Variants in PDE10A observed in about 807,000 individuals in gnomAD.
The protein encoded by PDE10A is cAMP and cAMP-inhibited cGMP 3',5'-cyclic phosphodiesterase 10A.
A neutral mutation model predicts 97.7 loss-of-function variants in PDE10A; 39 were observed. The observed-to-expected ratio is 0.40, with a 90% CI of 0.31 to 0.52. The LOEUF is 0.52. Among genes scored for constraint, PDE10A ranks in the 20% least tolerant of loss-of-function variants. The pLI is 0.56. For synonymous variants in PDE10A, 371 were observed against 376.8 expected (o/e 0.98, Z 0.18); for missense variants, 731 against 1,047.8 (o/e 0.70, Z 4.17).
At chr6:165,921,358 T>G (rs1271958926) in intron 1 of PDE10A, among the ~76,000 whole-genome samples, 1 of 152,210 alleles carries the variant, frequency 6.6e-6, no homozygotes, top group Non-Finnish European at 1.5e-5. Context: ...ATTTATCAAA[T>G]ACATAGGCAG....
rs1778194096 is a variant in PDE10A, at chr6:165,459,573, TG to T, written c.1024-9212del. The stretch of plus-strand genomic sequence containing the variant: ...GACAGACAGACAGATAGATAGATAA[TG>T]ATAGATATATATATATATATAATAT... On this transcript the variant is annotated intron_variant, in intron 3 of 21. Coordinates refer to ENST00000539869, the MANE Select transcript of PDE10A (RefSeq NM_001385079.1). Among the ~76,000 whole-genome samples the T allele has an allele frequency of 3.3e-5, 4 of 120,276 alleles. No homozygotes were observed. In the South Asian group the frequency reaches 7.2e-4, roughly 22 times the overall value. 78.9% of individuals were successfully genotyped at this position (120,276 alleles called of 152,430 possible).
At chr6:165,920,184 G>T (rs1782716203) in intron 1 of PDE10A, among the ~76,000 whole-genome samples, 1 of 152,074 alleles carries the variant, frequency 6.6e-6, no homozygotes, top group African/African-American at 2.4e-5. Context: ...AGAACTGTAT[G>T]GTCCATAATT....
chr6:165,719,275 G>A (rs1326706369), intron 1 of PDE10A, among the ~76,000 whole-genome samples: 2 of 152,244 alleles, frequency 1.3e-5, no homozygotes, highest in Non-Finnish European at 2.9e-5. Flanking sequence ...GGCAATGGAT[G>A]GAAGGAGACT....
intron 10 of PDE10A, among the ~76,000 whole-genome samples, chr6:165,423,087 TAA>T (rs1235805079): frequency 1.3e-5 from 2 of 152,152 alleles, no homozygotes; most frequent in Non-Finnish European, 2.9e-5. Context: ...TGCCATCATG[TAA>T]AGAGAAATTG....
chr6:165,684,873 C>A (rs575564854), intron 1 of PDE10A, among the ~76,000 whole-genome samples: 92 of 152,316 alleles, frequency 6.0e-4, no homozygotes, highest in African/African-American at 2.0e-3. Context: ...TTGAATAACA[C>A]TGTGATCAAC....
At chr6:165,722,901 CATAT>C (rs1554311953) in intron 1 of PDE10A, among the ~76,000 whole-genome samples, 1 of 151,342 alleles carries the variant, frequency 6.6e-6, no homozygotes, top group Admixed American at 6.6e-5. Flanking sequence ...CACACACACA[CATAT>C]ACATATGTGT....
chr6:165,765,791 GA>G (rs1281717734), intron 1 of PDE10A, among the ~76,000 whole-genome samples: 2 of 152,268 alleles, frequency 1.3e-5, no homozygotes, highest in African/African-American at 4.8e-5. Context: ...AGCCCAGGCA[GA>G]GGAGGCACCC....
At chr6:165,938,726 GCAA>G (rs942670076) in intron 1 of PDE10A, among the ~76,000 whole-genome samples, 5 of 151,908 alleles carry the variant, frequency 3.3e-5, no homozygotes, top group African/African-American at 1.2e-4. Context: ...AGTCCAGTGA[GCAA>G]CAACATCAAA....
intron 2 of PDE10A, among the ~76,000 whole-genome samples, chr6:165,487,090 C>G (rs1001192494): frequency 6.6e-6 from 1 of 152,226 alleles, no homozygotes; most frequent in African/African-American, 2.4e-5. Flanking sequence ...TAAACTGACT[C>G]TCTGTGCTAG....
intron 2 of PDE10A, among the ~76,000 whole-genome samples, chr6:165,508,533 C>A (rs773953592): frequency 1.3e-5 from 2 of 151,940 alleles, no homozygotes; most frequent in Non-Finnish European, 2.9e-5. Context: ...TTTCATTTAT[C>A]TTCAGTAAAT....
chr6:165,807,596 T>G (rs768356773), intron 1 of PDE10A, among the ~76,000 whole-genome samples: 15 of 152,088 alleles, frequency 9.9e-5, no homozygotes, highest in Non-Finnish European at 2.1e-4. Flanking sequence ...GACCATAAAT[T>G]GGAAAGAAGA....
intron 13 of PDE10A, among the ~76,000 whole-genome samples, chr6:165,399,185 G>A (rs1421813364): frequency 6.6e-6 from 1 of 152,036 alleles, no homozygotes; most frequent in South Asian, 2.1e-4. Flanking sequence ...AGCAAACAAC[G>A]ACAGAACTGC....
At chr6:165,617,101 GTTACCT>G (rs1787760259) in intron 1 of PDE10A, among the ~76,000 whole-genome samples, 1 of 152,176 alleles carries the variant, frequency 6.6e-6, no homozygotes. Context: ...CTCCTGTGTA[GTTACCT>G]TTAACATCCT....
exon 1 of PDE10A, chr6:165,987,773 T>G (rs1266145813): frequency 2.2e-6 from 1 of 453,384 alleles, no homozygotes; most frequent in Admixed American, 2.4e-5. Flanking sequence ...CTTGGGGCAC[T>G]CTGGGGTGCG....
intron 1 of PDE10A, among the ~76,000 whole-genome samples, chr6:165,803,887 C>T (rs1779046319): frequency 6.6e-6 from 1 of 152,158 alleles, no homozygotes; most frequent in African/African-American, 2.4e-5. Flanking sequence ...ACAAGGTGTG[C>T]TTTAAGTTGG....
Position 165,832,927 on chromosome 6 carries a change from C to T in PDE10A, c.-615+154602G>A, listed in dbSNP as rs1037740121. Among the ~76,000 whole-genome samples the T allele has an allele frequency of 2.6e-5, 4 of 152,160 alleles. No individual in the cohort carries two copies. In the South Asian group the frequency reaches 6.2e-4, roughly 24 times the overall value. On this transcript the variant is annotated intron_variant, in intron 1 of 19. Transcript: ENST00000366882. ...TTGGCGAGGACTCTTTCATAAGGCA[C>T]GATACCAGCCCTGCCTGGTCCATGT... is the stretch of plus-strand genomic sequence containing the variant.
At chr6:165,436,216 C>T (rs1203486225) in intron 5 of PDE10A, among the ~76,000 whole-genome samples, 1 of 152,104 alleles carries the variant, frequency 6.6e-6, no homozygotes, top group Non-Finnish European at 1.5e-5. Flanking sequence ...TGTTGGATTA[C>T]TCTAACAAAG....
intron 1 of PDE10A, among the ~76,000 whole-genome samples, chr6:165,739,443 A>G (rs1468618108): frequency 6.6e-6 from 1 of 152,230 alleles, no homozygotes; most frequent in East Asian, 1.9e-4. Flanking sequence ...CACAGCCAAA[A>G]GAATGAAATT....
chr6:165,536,077 C>T (rs569896421), intron 2 of PDE10A, among the ~76,000 whole-genome samples: 1 of 152,058 alleles, frequency 6.6e-6, no homozygotes, highest in East Asian at 1.9e-4. Context: ...CAATATAAAC[C>T]TATAGTAACC....
Sources: allele counts gnomAD v4.1 joint callset (sites outside exome capture counted in the v4.1 genomes callset), GRCh38; gene constraint gnomAD v4.1.1; transcripts MANE v1.5; gene names NCBI Gene and HGNC (gene_info 2026-07-23, HGNC 2026-07-21).